ADGRB3: variants seen among roughly 807,000 people sequenced by gnomAD.
ADGRB3 encodes brain-specific angiogenesis inhibitor 3.
A neutral mutation model predicts 193.4 loss-of-function variants in ADGRB3; 37 were observed. The observed-to-expected ratio is 0.19, with a 90% CI of 0.15 to 0.25. ADGRB3 has a LOEUF of 0.25. ADGRB3 is among the 10% of genes least tolerant of loss of function. The pLI, the probability that ADGRB3 is intolerant of heterozygous loss-of-function variation, is 1.00. For synonymous variants in ADGRB3, 690 were observed against 644.2 expected (o/e 1.07, Z -1.08); for missense variants, 1,637 against 1,852.9 (o/e 0.88, Z 2.14).
At chr6:68,927,508 A>G (rs1348442109) in intron 3 of ADGRB3, among the ~76,000 whole-genome samples, 2 of 152,158 alleles carry the variant, frequency 1.3e-5, no homozygotes, top group African/African-American at 2.4e-5. Flanking sequence ...AAGACAGCAC[A>G]AATGTTTTTA....
chr6:69,317,306 G>C (rs1768334370), intron 20 of ADGRB3, among the ~76,000 whole-genome samples: 2 of 151,358 alleles, frequency 1.3e-5, no homozygotes, highest in African/African-American at 4.8e-5. Context: ...TCTGAAAGTA[G>C]AGGTGAAGGA....
chr6:69,158,831 T>C (rs1774914408), intron 17 of ADGRB3, among the ~76,000 whole-genome samples: 1 of 152,116 alleles, frequency 6.6e-6, no homozygotes, highest in African/African-American at 2.4e-5. Context: ...AACTCCAAAG[T>C]GAAGAATACA....
intron 29 of ADGRB3, among the ~76,000 whole-genome samples, chr6:69,365,423 C>A (rs538749916): frequency 6.6e-6 from 1 of 152,052 alleles, no homozygotes; most frequent in Non-Finnish European, 1.5e-5. Context: ...CTAGGAGGTA[C>A]ACTGACCTCT....
At chr6:69,096,308 C>T (rs1267758564) in intron 17 of ADGRB3, among the ~76,000 whole-genome samples, 1 of 148,778 alleles carries the variant, frequency 6.7e-6, no homozygotes, top group Non-Finnish European at 1.5e-5. Context: ...CGTGGACTTG[C>T]TTTAATTAAA....
chr6:69,226,622 A>G (rs779885287), intron 17 of ADGRB3, among the ~76,000 whole-genome samples: 1 of 152,230 alleles, frequency 6.6e-6, no homozygotes, highest in Non-Finnish European at 1.5e-5. Flanking sequence ...GCTATTTTAT[A>G]ACAAGTCACC....
At chr6:69,377,339 T>C (rs73473359) in intron 30 of ADGRB3, among the ~76,000 whole-genome samples, 2,471 of 152,114 alleles carry the variant, frequency 0.016, 67 homozygotes, top group African/African-American at 0.052. Context: ...CTCCTGTCAG[T>C]GGCCCCTTAT....
chr6:69,355,801 CTTA>C lies in ADGRB3; in HGVS notation c.3556-14_3556-12del, dbSNP rs1561997349. ...TCTTCATTAAATGATGGTTCTATGT[CTTA>C]TTATTTATTGTTACAGACAGACTTT... On this transcript the variant is annotated splice_polypyrimidine_tract_variant and intron_variant, in intron 27 of 31. Coordinates refer to ENST00000370598, the MANE Select transcript of ADGRB3 (RefSeq NM_001704.3). 1.3e-6 allele frequency: 2 copies of C among 1,592,464 alleles called. No homozygotes were observed. The highest frequency in any genetic ancestry group is 2.2e-5 in the South Asian group (2 of 90,242).
intron 13 of ADGRB3, among the ~76,000 whole-genome samples, chr6:69,045,890 C>T (rs73467741): frequency 0.016 from 2,435 of 152,106 alleles, 57 homozygotes; most frequent in African/African-American, 0.051. Context: ...TTTTCCATTC[C>T]TTTAATCTAG....
At chr6:69,017,786 C>T (rs1312610260) in intron 12 of ADGRB3, among the ~76,000 whole-genome samples, 1 of 151,830 alleles carries the variant, frequency 6.6e-6, no homozygotes, top group Non-Finnish European at 1.5e-5. Context: ...TTCTTCTTGC[C>T]TAAAATATGG....
intron 17 of ADGRB3, 32 bp downstream of exon 17, chr6:69,076,070 G>T: frequency 6.2e-7 from 1 of 1,600,680 alleles, no homozygotes; most frequent in South Asian, 1.1e-5. Context: ...ACATTACTTT[G>T]GGCTAAATTT....
chr6:69,028,901 A>G (rs1255675345), intron 13 of ADGRB3, among the ~76,000 whole-genome samples: 1 of 152,220 alleles, frequency 6.6e-6, no homozygotes, highest in Non-Finnish European at 1.5e-5. Context: ...CAGCATCATT[A>G]ATATTTCATA....
chr6:69,367,903 C>T (rs1312942601), intron 29 of ADGRB3, among the ~76,000 whole-genome samples: 3 of 149,170 alleles, frequency 2.0e-5, no homozygotes. Context: ...GAACAAAAAA[C>T]CAAACACCGC....
chr6:69,081,664 T>C (rs1382423007), intron 17 of ADGRB3, among the ~76,000 whole-genome samples: 1 of 152,054 alleles, frequency 6.6e-6, no homozygotes, highest in Non-Finnish European at 1.5e-5. Flanking sequence ...TAAATTTTTC[T>C]TTTTAATTTC....
chr6:69,252,949 G>A (rs188600717), intron 20 of ADGRB3, among the ~76,000 whole-genome samples: 159 of 151,836 alleles, frequency 1.0e-3, no homozygotes, highest in Middle Eastern at 0.01. Flanking sequence ...TCTATGTCTC[G>A]AACAAAATTA....
chr6:69,156,799 C>T (rs1398789611), intron 17 of ADGRB3, among the ~76,000 whole-genome samples: 2 of 152,226 alleles, frequency 1.3e-5, no homozygotes, highest in Admixed American at 6.5e-5. Flanking sequence ...AATTTTATCA[C>T]TGAATGTTTA....
chr6:69,294,192 G>A (rs1767759197), intron 20 of ADGRB3, among the ~76,000 whole-genome samples: 1 of 151,222 alleles, frequency 6.6e-6, no homozygotes, highest in African/African-American at 2.4e-5. Context: ...TTTTTTTTAA[G>A]TGTTAGAATG....
At chr6:69,004,954 T>C (rs1409653510) in intron 11 of ADGRB3, among the ~76,000 whole-genome samples, 1 of 152,078 alleles carries the variant, frequency 6.6e-6, no homozygotes, top group Non-Finnish European at 1.5e-5. Flanking sequence ...GGTCTAAACT[T>C]GTGATGTGTG....
intron 3 of ADGRB3, among the ~76,000 whole-genome samples, chr6:68,900,158 AT>A (rs745946804): frequency 3.0e-4 from 46 of 152,212 alleles, no homozygotes; most frequent in Non-Finnish European, 4.4e-4. Context: ...ATATGTAATA[AT>A]AGGATGACAG....
chr6:68,784,589 T>C (rs1766923206), intron 3 of ADGRB3, among the ~76,000 whole-genome samples: 1 of 152,140 alleles, frequency 6.6e-6, no homozygotes, highest in Admixed American at 6.6e-5. Context: ...AAATTTCACC[T>C]GTCAAGTGTA....
Sources: gnomAD v4.1 joint callset for allele counts (sites outside exome capture counted in the v4.1 genomes callset) on GRCh38, gnomAD v4.1.1 for gene constraint, MANE v1.5 for transcripts, NCBI Gene and HGNC (gene_info 2026-07-23, HGNC 2026-07-21) for gene names.